Variants in TMPRSS15 observed in about 807,000 individuals in gnomAD.
TMPRSS15 encodes the protein transmembrane serine protease 15.
A neutral mutation model predicts 125.3 loss-of-function variants in TMPRSS15; 128 were observed. That is an observed-to-expected ratio of 1.02 (90% confidence interval 0.89 to 1.18). The LOEUF (loss-of-function observed/expected upper bound fraction) is 1.18. TMPRSS15 is among the 50% of genes most tolerant of loss of function. TMPRSS15 has a pLI of 0.00. For synonymous variants in TMPRSS15, 446 were observed against 423.2 expected (o/e 1.05, Z -0.66); for missense variants, 1,283 against 1,212.7 (o/e 1.06, Z -0.86).
At chr21:18,297,209 A>G (rs1054032160) in intron 19 of TMPRSS15, among the ~76,000 whole-genome samples, 7 of 152,222 alleles carry the variant, frequency 4.6e-5, no homozygotes, top group African/African-American at 7.2e-5. Flanking sequence ...ATAAAAGTAA[A>G]CCTAATATCA....
intron 23 of TMPRSS15, among the ~76,000 whole-genome samples, chr21:18,278,467 C>A (rs2074647348): frequency 6.6e-6 from 1 of 152,070 alleles, no homozygotes; most frequent in African/African-American, 2.4e-5. Flanking sequence ...CGACTATAAT[C>A]CCAGCACTTT....
upstream of TMPRSS15, among the ~76,000 whole-genome samples, chr21:18,404,872 T>C (rs900795138): frequency 6.6e-6 from 1 of 152,030 alleles, no homozygotes; most frequent in South Asian, 2.1e-4. Flanking sequence ...CAAATGTATT[T>C]CATTGAAAAT....
At chr21:18,376,011 A>G (rs758486587) in intron 5 of TMPRSS15, among the ~76,000 whole-genome samples, 4 of 152,200 alleles carry the variant, frequency 2.6e-5, no homozygotes, top group Non-Finnish European at 5.9e-5. Context: ...GAAAAGGGAT[A>G]ATAGTACTTG....
intron 1 of TMPRSS15, among the ~76,000 whole-genome samples, chr21:18,409,427 A>C (rs1207365306): frequency 1.3e-5 from 2 of 152,148 alleles, no homozygotes; most frequent in Non-Finnish European, 2.9e-5. Context: ...TGTTCAATTT[A>C]CTAGAATTCA....
chr21:18,275,331 T>C lies in TMPRSS15; in HGVS notation c.2770A>G (p.Thr924Ala). The C allele has an allele frequency of 1.9e-6, 3 of 1,613,914 alleles. No individual in the cohort carries two copies. The highest frequency in any genetic ancestry group is 2.5e-6 in the Non-Finnish European group (3 of 1,179,966). ...TCAGCTTCTTGCAATATGTTTGCAG[T>C]AGTACCTGCTCAAAATGGAGAATGC... ...GWGTVVYQGT[T>A]ANILQEADVP... Residue 924 changes from threonine to alanine, a missense_variant, in exon 24 of 25, where the codon ACT (threonine) becomes GCT (alanine). Transcript: ENST00000284885.
chr21:18,378,304 C>T, intron 5 of TMPRSS15, among the ~76,000 whole-genome samples: 1 of 152,014 alleles, frequency 6.6e-6, no homozygotes, highest in Non-Finnish European at 1.5e-5. Flanking sequence ...AATGTGGGCT[C>T]AGTGGCAGGC....
chr21:18,400,311 C>T lies in TMPRSS15; in HGVS notation c.146-1982G>A, dbSNP rs78868601. 6.1e-3 allele frequency among the ~76,000 whole-genome samples: 935 copies of T among 152,250 alleles called. 13 individuals carry two copies. Among genetic ancestry groups the T allele is most frequent in the African/African-American group, 0.02 (845 of 41,558 alleles). ...GAACAAAGTCAGAGGCATCACATTA[C>T]GCAACTTCATGCTATACTATAAAGC... is the stretch of plus-strand genomic sequence containing the variant. On this transcript the variant is annotated intron_variant, in intron 1 of 24. Coordinates refer to ENST00000284885, the MANE Select transcript of TMPRSS15 (RefSeq NM_002772.3).
intron 5 of TMPRSS15, among the ~76,000 whole-genome samples, chr21:18,377,696 T>C (rs2075857226): frequency 6.6e-6 from 1 of 152,150 alleles, no homozygotes; most frequent in African/African-American, 2.4e-5. Context: ...TTATTTTCAC[T>C]ATCAATTATA....
At chr21:18,360,858 T>A (rs1469688752) in intron 7 of TMPRSS15, among the ~76,000 whole-genome samples, 1 of 152,124 alleles carries the variant, frequency 6.6e-6, no homozygotes, top group Non-Finnish European at 1.5e-5. Flanking sequence ...GATCTGTACA[T>A]CACTTTCGGT....
chr21:18,330,889 G>A (rs938451296), intron 14 of TMPRSS15, among the ~76,000 whole-genome samples: 1 of 151,910 alleles, frequency 6.6e-6, no homozygotes, highest in African/African-American at 2.4e-5. Flanking sequence ...TGGCTAACAC[G>A]GTGAAACCCC....
chr21:18,388,663 T>C (rs1164233565), intron 3 of TMPRSS15, among the ~76,000 whole-genome samples: 1 of 152,166 alleles, frequency 6.6e-6, no homozygotes, highest in East Asian at 1.9e-4. Flanking sequence ...AAATCTGAAT[T>C]GATGCTTTAC....
At chr21:18,294,533 G>A (rs2074878975) in intron 20 of TMPRSS15, 70 bp downstream of exon 20, 4 of 1,599,342 alleles carry the variant, frequency 2.5e-6, no homozygotes, top group Non-Finnish European at 3.4e-6. Flanking sequence ...ATAACTTCAG[G>A]TGACATAAAA....
intron 1 of TMPRSS15, among the ~76,000 whole-genome samples, chr21:18,403,060 C>A (rs2076111623): frequency 3.3e-5 from 5 of 152,080 alleles, no homozygotes. Flanking sequence ...ACAATATTTT[C>A]TGTTAACTTT....
At chr21:18,406,704 T>G (rs140877692), upstream of TMPRSS15, among the ~76,000 whole-genome samples, 957 of 152,240 alleles carry the variant, frequency 6.3e-3, 9 homozygotes, top group African/African-American at 0.021. Context: ...GAGTGAAGAT[T>G]CAAATAATCA....
intron 1 of TMPRSS15, among the ~76,000 whole-genome samples, chr21:18,456,378 T>C (rs1261263391): frequency 6.6e-6 from 1 of 152,160 alleles, no homozygotes; most frequent in Non-Finnish European, 1.5e-5. Flanking sequence ...GCATAGGTTC[T>C]TAAGTTACTG....
intron 13 of TMPRSS15, among the ~76,000 whole-genome samples, chr21:18,339,386 C>T (rs548057978): frequency 2.0e-5 from 3 of 152,238 alleles, no homozygotes; most frequent in African/African-American, 7.2e-5. Flanking sequence ...CATAATTAAC[C>T]TTTAGATCCT....
chr21:18,455,794 A>T (rs1326068068), intron 1 of TMPRSS15, among the ~76,000 whole-genome samples: 1 of 152,208 alleles, frequency 6.6e-6, no homozygotes, highest in African/African-American at 2.4e-5. Flanking sequence ...AAACTATTTT[A>T]GAAGAGAAGG....
At chr21:18,411,688 C>T (rs2076166318) in intron 1 of TMPRSS15, among the ~76,000 whole-genome samples, 2 of 152,132 alleles carry the variant, frequency 1.3e-5, no homozygotes, top group Non-Finnish European at 2.9e-5. Flanking sequence ...CAAATTCTTG[C>T]TTCCTCGCCC....
chr21:18,317,315 T>C (rs1328370127), intron 16 of TMPRSS15, among the ~76,000 whole-genome samples: 1 of 137,622 alleles, frequency 7.3e-6, no homozygotes, highest in East Asian at 1.9e-4. Flanking sequence ...ACTATACTTA[T>C]TGAAAAAAAT....
Sources: gnomAD v4.1 joint callset for allele counts (sites outside exome capture counted in the v4.1 genomes callset) on GRCh38, gnomAD v4.1.1 for gene constraint, MANE v1.5 for transcripts, NCBI Gene and HGNC (gene_info 2026-07-23, HGNC 2026-07-21) for gene names.